The following RANBP17 variants were observed in gnomAD, a reference collection of about 807,000 sequenced individuals.
The protein encoded by RANBP17 is ran-binding protein 17.
A neutral mutation model predicts 141.2 loss-of-function variants in RANBP17; 158 were observed. The ratio of observed to expected loss-of-function variants is 1.12; its 90% CI spans 0.98 to 1.28. The LOEUF (loss-of-function observed/expected upper bound fraction) is 1.28, where lower values mean the gene tolerates loss of function less well. Ranked by LOEUF, RANBP17 falls within the 50% of genes most tolerant of loss-of-function variation. The pLI, the probability that RANBP17 is intolerant of heterozygous loss-of-function variation, is 0.00. For missense variants in RANBP17, 1,438 were observed against 1,290.7 expected, an observed-to-expected ratio of 1.11 and a Z score of -1.75; for synonymous variants, 430 against 450.0, an observed-to-expected ratio of 0.96 and a Z score of 0.56.
At chr5:170,997,085 G>C (rs191224144) in intron 14 of RANBP17, among the ~76,000 whole-genome samples, 33 of 152,242 alleles carry the variant, frequency 2.2e-4, no homozygotes, top group Non-Finnish European at 3.7e-4. Flanking sequence ...TAGTGAGTGA[G>C]TTCTCACGAG....
chr5:171,205,805 G>A lies in RANBP17; in HGVS notation c.2231+193G>A, dbSNP rs756127460. The stretch of plus-strand genomic sequence containing the variant: ...GCACAGTATTTGGAGACCCAGCTCA[G>A]AGAAGTCACTTTTTTGGTGCCGTTA... On this transcript the variant is annotated intron_variant, in intron 20 of 27. Coordinates refer to ENST00000523189, the MANE Select transcript of RANBP17 (RefSeq NM_022897.5). The A allele has an allele frequency of 4.2e-5, 29 of 683,474 alleles. No homozygotes were observed. In the African/African-American group the frequency reaches 4.9e-4, roughly 12 times the overall value. The allele number at this position is 683,474 out of a possible 1,614,324, so 42.3% of individuals were successfully genotyped here.
At chr5:170,885,933 T>C (rs1480516791) in intron 3 of RANBP17, among the ~76,000 whole-genome samples, 2 of 151,742 alleles carry the variant, frequency 1.3e-5, no homozygotes, top group Non-Finnish European at 2.9e-5. Flanking sequence ...TCTGCTGTTG[T>C]ATATCCTGTG....
At chr5:170,985,202 T>C (rs1190302375) in intron 14 of RANBP17, among the ~76,000 whole-genome samples, 1 of 152,052 alleles carries the variant, frequency 6.6e-6, no homozygotes, top group African/African-American at 2.4e-5. Context: ...TACCAAAAGT[T>C]AGAAGTTTTG....
At position 171,058,318 on chromosome 5, in the gene RANBP17, C is replaced by T. The variant is rs780095917; in HGVS notation, c.1710+89941C>T. On this transcript the variant is annotated intron_variant, in intron 14 of 27. Coordinates refer to ENST00000523189, the MANE Select transcript of RANBP17 (RefSeq NM_022897.5). ...TAATGCTATCCCTCCCCCCTCCCCC[C>T]ACCCCACAACAGTCCCCAGAGTGTG... Among the ~76,000 whole-genome samples the T allele has an allele frequency of 4.2e-3, 459 of 109,014 alleles. 5 individuals carry two copies. The highest frequency in any genetic ancestry group is 0.016 in the African/African-American group (443 of 28,212). The allele number at this position is 109,014 out of a possible 152,430, so 71.5% of individuals were successfully genotyped here. A position where few individuals can be genotyped will look rare whatever the true frequency, so the allele number is the denominator to read the frequency against.
chr5:171,092,442 C>G (rs1255568093), intron 14 of RANBP17, among the ~76,000 whole-genome samples: 1 of 152,272 alleles, frequency 6.6e-6, no homozygotes, highest in East Asian at 1.9e-4. Flanking sequence ...ATATAGTCAC[C>G]TTTCATAATA....
chr5:171,294,852 AC>A (rs1485263793), intron 26 of RANBP17, among the ~76,000 whole-genome samples: 1 of 152,218 alleles, frequency 6.6e-6, no homozygotes, highest in Non-Finnish European at 1.5e-5. Flanking sequence ...AAAGCTTATG[AC>A]ATCACAATAT....
At chr5:171,243,939 A>C (rs1371584050) in intron 24 of RANBP17, among the ~76,000 whole-genome samples, 1 of 151,902 alleles carries the variant, frequency 6.6e-6, no homozygotes, top group Non-Finnish European at 1.5e-5. Context: ...TTAGCCAGGC[A>C]TGATGGTGGG....
intron 12 of RANBP17, 149 bp downstream of exon 12, chr5:170,924,699 G>T: frequency 1.0e-5 from 5 of 486,570 alleles, no homozygotes; most frequent in South Asian, 5.2e-5. Flanking sequence ...AACCTCCTGG[G>T]TATATTGGTA....
chr5:171,107,420 A>G (rs1414763442), intron 14 of RANBP17, among the ~76,000 whole-genome samples: 1 of 152,168 alleles, frequency 6.6e-6, no homozygotes, highest in Non-Finnish European at 1.5e-5. Context: ...AGTGCAAGCA[A>G]CAAAGTTTGT....
chr5:171,055,030 T>A (rs2127659082), intron 14 of RANBP17, among the ~76,000 whole-genome samples: 1 of 151,130 alleles, frequency 6.6e-6, no homozygotes, highest in South Asian at 2.1e-4. Context: ...AAGAAAACAT[T>A]GAGTGAGTTT....
chr5:170,916,399 A>G (rs1447506550), intron 8 of RANBP17, 66 bp from the exon 9 acceptor site: 3 of 1,180,282 alleles, frequency 2.5e-6, no homozygotes, highest in Non-Finnish European at 3.5e-6. Flanking sequence ...TGTAAAGACT[A>G]GTATTCCTTA....
rs1167119580 is a variant in RANBP17 at position 171,042,117 on chromosome 5, C to T, written c.1710+73740C>T. Among the ~76,000 whole-genome samples the T allele has an allele frequency of 1.3e-5, 2 of 151,944 alleles. 1 individual carries two copies. The highest frequency in any genetic ancestry group is 3.9e-4 in the East Asian group (2 of 5,180). On this transcript the variant is annotated intron_variant, in intron 14 of 27. Transcript: ENST00000523189. ...CATAGTATTCTATGATATATATGTACCACATTTTCTTTATCCAGTCTATCA... is the reference window on the plus strand; with the variant it reads ...CATAGTATTCTATGATATATATGTATCACATTTTCTTTATCCAGTCTATCA...
In RANBP17 at chr5:170,897,740, C is replaced by T. The variant is rs573091596; in HGVS notation, c.489+1625C>T. Among the ~76,000 whole-genome samples the T allele has an allele frequency of 3.3e-5, 5 of 152,228 alleles. No homozygotes were observed. The South Asian group carries it at 6.2e-4, about 19-fold the overall frequency. ...CATGTCCCTGTGAAGGATATGAACT[C>T]GTCCTTTTTTATGGCTGCATCGTAT... On this transcript the variant is annotated intron_variant, in intron 5 of 27. Transcript: ENST00000523189.
intron 24 of RANBP17, among the ~76,000 whole-genome samples, chr5:171,258,117 A>AG (rs1436668528): frequency 1.1e-5 from 1 of 90,294 alleles, no homozygotes; most frequent in Non-Finnish European, 2.2e-5. Context: ...AAAAAAAAAA[A>AG]TACACACACA....
chr5:170,954,391 T>G (rs1181716932), intron 13 of RANBP17, among the ~76,000 whole-genome samples: 1 of 152,090 alleles, frequency 6.6e-6, no homozygotes, highest in Non-Finnish European at 1.5e-5. Context: ...CAACTTTTCT[T>G]AAACATTACA....
intron 18 of RANBP17, among the ~76,000 whole-genome samples, chr5:171,192,124 C>T (rs1761690989): frequency 6.6e-6 from 1 of 152,058 alleles, no homozygotes; most frequent in African/African-American, 2.4e-5. Context: ...GAAGGTTTAG[C>T]AAGTGAGGGG....
rs1581581172 is a variant in RANBP17, at chr5:171,080,398, A to G, written c.1711-89732A>G. On this transcript the variant is annotated intron_variant, in intron 14 of 27. Transcript: ENST00000523189. Reference sequence around the variant, plus strand: ...TTTTTTCCACAGCTACAGTGCACCTATATTCTATAATAGTCAGTGCAACTC... The same window carrying G: ...TTTTTTCCACAGCTACAGTGCACCTGTATTCTATAATAGTCAGTGCAACTC... Among the ~76,000 whole-genome samples the G allele has an allele frequency of 2.6e-5, 4 of 152,282 alleles. No individual in the cohort carries two copies. The East Asian group carries it at 5.8e-4, about 22-fold the overall frequency.
At chr5:171,171,539 C>G (rs755966497) in intron 16 of RANBP17, among the ~76,000 whole-genome samples, 7 of 151,946 alleles carry the variant, frequency 4.6e-5, no homozygotes, top group Admixed American at 4.6e-4. Context: ...TATATTTATA[C>G]TCACCCAGGC....
At chr5:171,191,375 A>G (rs1419846703) in intron 18 of RANBP17, among the ~76,000 whole-genome samples, 1 of 152,104 alleles carries the variant, frequency 6.6e-6, no homozygotes, top group East Asian at 1.9e-4. Context: ...GTATTATTCC[A>G]TTGTTTATCT....
Sources: gnomAD v4.1 joint callset for allele counts (sites outside exome capture counted in the v4.1 genomes callset) on GRCh38, gnomAD v4.1.1 for gene constraint, MANE v1.5 for transcripts, NCBI Gene and HGNC (gene_info 2026-07-23, HGNC 2026-07-21) for gene names.